ZNF112: variants seen among roughly 807,000 people sequenced by gnomAD.
ZNF112 encodes zinc finger protein 112 (Y14).
Under a neutral mutation model 77.7 loss-of-function variants are expected in ZNF112, and 37 were observed. The observed-to-expected ratio is 0.48, with a 90% CI of 0.37 to 0.63. The LOEUF (loss-of-function observed/expected upper bound fraction) is 0.63. ZNF112 is among the 20% of genes least tolerant of loss of function. The pLI is 0.00. For missense variants in ZNF112, 950 were observed against 1,077.4 expected (o/e 0.88, Z 1.66); for synonymous variants, 333 against 363.6 (o/e 0.92, Z 0.96).
chr19:44,339,252 G>A (rs1970444319), intron 2 of ZNF112, among the ~76,000 whole-genome samples: 1 of 152,142 alleles, frequency 6.6e-6, no homozygotes, highest in African/African-American at 2.4e-5. Flanking sequence ...TTTGGCTTCT[G>A]GAGAAGGTAA....
In ZNF112 at chr19:44,350,137, A is replaced by G. The variant is rs1970666165; in HGVS notation, c.-4+6489T>C. The stretch of plus-strand genomic sequence containing the variant: ...GTAAAAGATATGTTGGAGCAGAAAA[A>G]GGCAGAGGTTGGATTTATAAAAACA... On this transcript the variant is annotated intron_variant, in intron 1 of 3. Transcript: ENST00000354340. 1.3e-5 allele frequency among the ~76,000 whole-genome samples: 2 copies of G among 152,094 alleles called. 1 individual carries two copies. Among genetic ancestry groups the G allele is most frequent in the South Asian group, 4.1e-4 (2 of 4,832 alleles).
chr19:44,363,528 T>C (rs2123230840), intron 1 of ZNF112, among the ~76,000 whole-genome samples: 1 of 152,308 alleles, frequency 6.6e-6, no homozygotes, highest in South Asian at 2.1e-4. Flanking sequence ...GAATATGAAA[T>C]ATATGGAACC....
intron 1 of ZNF112, among the ~76,000 whole-genome samples, chr19:44,352,890 G>C (rs1431150604): frequency 2.0e-5 from 3 of 152,004 alleles, no homozygotes; most frequent in African/African-American, 7.2e-5. Flanking sequence ...CAATGAACTG[G>C]AAAACTCAAT....
chr19:44,366,700 G>A (rs1399387870), intron 1 of ZNF112, among the ~76,000 whole-genome samples: 1 of 149,740 alleles, frequency 6.7e-6, no homozygotes, highest in Non-Finnish European at 1.5e-5. Flanking sequence ...GCTTCCTGTA[G>A]GGATCAGAAA....
upstream of ZNF112, among the ~76,000 whole-genome samples, chr19:44,358,519 T>C (rs192756161): frequency 3.7e-4 from 57 of 152,272 alleles, 1 homozygote; most frequent in East Asian, 6.8e-3. Flanking sequence ...ACTTTTCTCC[T>C]GGGGATGATG....
rs192416404 is a variant in ZNF112, at chr19:44,331,118, A to C, written c.221-1182T>G. Among the ~76,000 whole-genome samples the C allele has an allele frequency of 1.2e-4, 19 of 152,368 alleles. No individual in the cohort carries two copies. The East Asian group carries it at 3.7e-3, about 29-fold the overall frequency. On this transcript the variant is annotated intron_variant, in intron 3 of 3. Transcript: ENST00000354340. ...GCTTAGAGAATAATAAGCTCTTCTA[A>C]GTCCCTGTAGGCCATTACAGATTTT...
At chr19:44,357,781 C>T (rs1172267673), upstream of ZNF112, among the ~76,000 whole-genome samples, 3 of 152,132 alleles carry the variant, frequency 2.0e-5, no homozygotes, top group Non-Finnish European at 4.4e-5. Context: ...AAAAATCTAT[C>T]ACCTATTTTC....
chr19:44,357,898 TAAA>T (rs1296651302), upstream of ZNF112, among the ~76,000 whole-genome samples: 17 of 151,838 alleles, frequency 1.1e-4, no homozygotes, highest in Admixed American at 3.9e-4. Context: ...AAGAGGAAAA[TAAA>T]AAGACATAAC....
At chr19:44,330,931 T>C (rs908523180) in intron 3 of ZNF112, among the ~76,000 whole-genome samples, 3 of 152,234 alleles carry the variant, frequency 2.0e-5, no homozygotes, top group African/African-American at 7.2e-5. Context: ...TTTGTAAGTG[T>C]ACTGTGTGCG....
At chr19:44,365,552 T>C (rs1970896239) in intron 1 of ZNF112, among the ~76,000 whole-genome samples, 1 of 152,132 alleles carries the variant, frequency 6.6e-6, no homozygotes, top group Admixed American at 6.5e-5. Context: ...TAGGTTATCC[T>C]AGATATTTCT....
At chr19:44,341,540 C>A (rs748506108) in intron 1 of ZNF112, among the ~76,000 whole-genome samples, 6 of 152,170 alleles carry the variant, frequency 3.9e-5, no homozygotes, top group Non-Finnish European at 1.5e-5. Context: ...ATAGTCAACA[C>A]TGGATATGAA....
chr19:44,360,425 A>G (rs1970844831), upstream of ZNF112, among the ~76,000 whole-genome samples: 1 of 152,178 alleles, frequency 6.6e-6, no homozygotes, highest in African/African-American at 2.4e-5. Context: ...ATCATAAGAA[A>G]ATTTAGGCAA....
rs1466580272 is a variant in ZNF112 at position 44,327,678 on chromosome 19, A to G, written c.2479T>C (p.Tyr827His). The change falls in exon 4 of 4, where the codon TAC (tyrosine) becomes CAC (histidine). Residue 827 changes from tyrosine (Y) to histidine (H), a missense_variant. By Grantham distance (83) the Tyr-to-His change is moderately conservative. This residue lies in a region of ZNF112 where 373 missense variants were observed against 482.8 expected (regional missense o/e 0.77). Transcript: ENST00000354340. ...HHRVHTGEKP[Y>H]KCEVCGKGFS... ...CCCTTTCCACATACCTCACATTTGTATGGTTTCTCTCCTGTGTGGACTCTG... is the reference window on the plus strand; with the variant it reads ...CCCTTTCCACATACCTCACATTTGTGTGGTTTCTCTCCTGTGTGGACTCTG... 10 of 1,613,872 alleles carry G rather than the reference A, an allele frequency of 6.2e-6. No individual in the cohort carries two copies. The highest frequency in any genetic ancestry group is 1.6e-4 in the Middle Eastern group (1 of 6,062).
chr19:44,336,525 G>A, intron 3 of ZNF112, 98 bp downstream of exon 3: 2 of 1,009,474 alleles, frequency 2.0e-6, no homozygotes, highest in Non-Finnish European at 3.1e-6. Context: ...GTGTGAAATG[G>A]GGAGCCACAG....
upstream of ZNF112, among the ~76,000 whole-genome samples, chr19:44,360,616 A>G (rs185310348): frequency 1.1e-4 from 17 of 152,306 alleles, no homozygotes; most frequent in African/African-American, 3.6e-4. Flanking sequence ...TAATTTTAAT[A>G]TTTTATGTGT....
chr19:44,353,563 A>C (rs1292986161), intron 1 of ZNF112, among the ~76,000 whole-genome samples: 1 of 152,100 alleles, frequency 6.6e-6, no homozygotes, highest in Non-Finnish European at 1.5e-5. Flanking sequence ...ATATAACCCA[A>C]TGTAAAACTG....
chr19:44,346,147 C>T (rs1440602626), intron 1 of ZNF112, among the ~76,000 whole-genome samples: 1 of 152,184 alleles, frequency 6.6e-6, no homozygotes, highest in Non-Finnish European at 1.5e-5. Context: ...ACCCATTTTG[C>T]CAGCCTAATG....
At chr19:44,352,338 GC>G (rs1970708480) in intron 1 of ZNF112, among the ~76,000 whole-genome samples, 1 of 152,084 alleles carries the variant, frequency 6.6e-6, no homozygotes. Flanking sequence ...TAAAAGTGAA[GC>G]AGAAAAAGCA....
At chr19:44,340,197 T>C (rs980766714) in intron 2 of ZNF112, among the ~76,000 whole-genome samples, 4 of 152,192 alleles carry the variant, frequency 2.6e-5, no homozygotes, top group African/African-American at 7.2e-5. Flanking sequence ...ACTAAACTGT[T>C]TGATGGCAAA....
Sources: allele counts gnomAD v4.1 joint callset (sites outside exome capture counted in the v4.1 genomes callset), GRCh38; gene constraint gnomAD v4.1.1; regional missense constraint gnomAD v4.1.1; transcripts MANE v1.5; gene names NCBI Gene and HGNC (gene_info 2026-07-23, HGNC 2026-07-21).